KCND3: variants seen among roughly 807,000 people sequenced by gnomAD.
KCND3 encodes the protein A-type voltage-gated potassium channel KCND3.
KCND3 carries 9 observed loss-of-function variants against 51.1 expected under a neutral mutation model. That is an observed-to-expected ratio of 0.18 (90% CI 0.11 to 0.31). The LOEUF is 0.31. Among genes scored for constraint, KCND3 ranks in the 10% least tolerant of loss-of-function variants. The pLI, the probability that KCND3 is intolerant of heterozygous loss-of-function variation, is 1.00. For synonymous variants in KCND3, 349 were observed against 368.0 expected (o/e 0.95, Z 0.59); for missense variants, 526 against 903.8 (o/e 0.58, Z 5.36).
At position 111,982,051 on chromosome 1, in the gene KCND3, A is replaced by C. The variant is rs1417083057; in HGVS notation, c.676T>G (p.Phe226Val). 6.2e-7 allele frequency: 1 copy of C among 1,613,704 alleles called. No homozygotes were observed. The highest frequency in any genetic ancestry group is 8.5e-7 in the Non-Finnish European group (1 of 1,179,954). Residue 226 changes from phenylalanine (F) to valine (V), a missense_variant, in exon 2 of 8, where the codon TTC becomes GTC. This residue lies in a region of KCND3 where 51 missense variants were observed against 84.7 expected (regional missense o/e 0.60). Coordinates refer to ENST00000302127, the MANE Select transcript of KCND3 (RefSeq NM_001378969.1). The surrounding 1 kb of genome is among the most constrained non-coding windows in gnomAD (Gnocchi z 8.5). ...ACGCACGCCGTGTCCAGGCAGAAGAAGGCCACCGAGTAGCGCTCCCCGCAC... is the reference window on the plus strand; with the variant it reads ...ACGCACGCCGTGTCCAGGCAGAAGACGGCCACCGAGTAGCGCTCCCCGCAC... Reference protein sequence around the residue: ...LPCGERYSVAFFCLDTACVMI... With the variant: ...LPCGERYSVAVFCLDTACVMI...
intron 2 of KCND3, among the ~76,000 whole-genome samples, chr1:111,790,095 C>T (rs762322599): frequency 6.6e-6 from 1 of 152,112 alleles, no homozygotes; most frequent in Non-Finnish European, 1.5e-5. Flanking sequence ...GTGGTATGTT[C>T]CGGAATTTTT....
Position 111,777,068 on chromosome 1 carries a change from G to A in KCND3, c.1724C>T (p.Thr575Met), listed in dbSNP as rs775768536. ...CTGCTCACTGCCCTGGATGTGGATC[G>A]TGCTGAGCTCTTGCATGCTGCGCAG... ...TRLRSMQELS[T>M]IHIQGSEQPS... Residue 575 changes from threonine to methionine, a missense_variant, in exon 7 of 8, where the codon ACG becomes ATG. Coordinates refer to ENST00000302127, the MANE Select transcript of KCND3 (RefSeq NM_001378969.1). 34 of 1,613,812 alleles carry A rather than the reference G, an allele frequency of 2.1e-5. No homozygotes were observed. The highest frequency in any genetic ancestry group is 5.0e-5 in the Admixed American group (3 of 60,000).
At chr1:111,784,629 C>G (rs1017523929) in intron 3 of KCND3, among the ~76,000 whole-genome samples, 1 of 152,178 alleles carries the variant, frequency 6.6e-6, no homozygotes, top group Non-Finnish European at 1.5e-5. Context: ...CACTTTCCAC[C>G]AAATCCTCTG....
chr1:111,823,373 TG>T (rs987511958), intron 2 of KCND3, among the ~76,000 whole-genome samples: 16 of 152,290 alleles, frequency 1.1e-4, no homozygotes, highest in Admixed American at 2.6e-4. Context: ...TCTCCCTCCA[TG>T]GAACCTACTC....
At chr1:111,805,444 T>A (rs913281450) in intron 2 of KCND3, among the ~76,000 whole-genome samples, 2 of 152,224 alleles carry the variant, frequency 1.3e-5, no homozygotes, top group African/African-American at 4.8e-5. Flanking sequence ...CTGCCCTCTC[T>A]GTCTCCCAGT....
intron 2 of KCND3, among the ~76,000 whole-genome samples, chr1:111,825,244 A>ATGTCT (rs1169765725): frequency 2.6e-5 from 4 of 152,188 alleles, no homozygotes. Context: ...GATATCAGTG[A>ATGTCT]TGTCTATGAC....
At chr1:111,887,770 C>A (rs1669634562) in intron 2 of KCND3, among the ~76,000 whole-genome samples, 2 of 152,194 alleles carry the variant, frequency 1.3e-5, no homozygotes, top group Non-Finnish European at 2.9e-5. Context: ...GAGGGAATCA[C>A]TTCAAAGCAT....
At chr1:111,938,271 A>G (rs1342807152) in intron 2 of KCND3, among the ~76,000 whole-genome samples, 2 of 152,144 alleles carry the variant, frequency 1.3e-5, no homozygotes, top group Non-Finnish European at 2.9e-5. Context: ...TGGTTTGTTC[A>G]TTTGCCCATT....
intron 1 of KCND3, among the ~76,000 whole-genome samples, chr1:111,985,667 T>A (rs1203875896): frequency 6.6e-6 from 1 of 152,224 alleles, no homozygotes; most frequent in Non-Finnish European, 1.5e-5. Context: ...TGAAGACAGA[T>A]CTGAATCAGA....
chr1:111,874,950 C>T (rs922633446), intron 2 of KCND3, among the ~76,000 whole-genome samples: 5 of 152,220 alleles, frequency 3.3e-5, no homozygotes, highest in African/African-American at 1.2e-4. Context: ...GATCAGCCTG[C>T]AATAGGGAAG....
intron 2 of KCND3, among the ~76,000 whole-genome samples, chr1:111,915,382 C>G (rs1227265125): frequency 6.6e-6 from 1 of 151,696 alleles, no homozygotes; most frequent in Admixed American, 6.6e-5. Flanking sequence ...CGGCAAGAAA[C>G]ACACTTTAAA....
intron 2 of KCND3, among the ~76,000 whole-genome samples, chr1:111,943,944 C>T (rs1454563639): frequency 6.6e-6 from 1 of 152,242 alleles, no homozygotes; most frequent in Non-Finnish European, 1.5e-5. Flanking sequence ...CGGGGCCGCA[C>T]ACTGATTACC....
At chr1:111,983,514 A>G in intron 1 of KCND3, among the ~76,000 whole-genome samples, 1 of 152,160 alleles carries the variant, frequency 6.6e-6, no homozygotes. Context: ...CCATGATGGA[A>G]AGACGTGGGA....
chr1:111,886,174 G>A (rs927080598), intron 2 of KCND3, among the ~76,000 whole-genome samples: 1 of 152,180 alleles, frequency 6.6e-6, no homozygotes, highest in Non-Finnish European at 1.5e-5. Flanking sequence ...TCAGGTAGGA[G>A]GTTTTAGATG....
rs1225880846 is a variant in KCND3 at position 111,774,675 on chromosome 1, T to C, written c.*1402A>G. 1 of 152,228 alleles carries C rather than the reference T, an allele frequency of 6.6e-6. No homozygotes were observed. Among genetic ancestry groups the C allele is most frequent in the African/African-American group, 2.4e-5 (1 of 41,454 alleles). 9.4% of individuals were successfully genotyped at this position (152,228 alleles called of 1,614,324 possible). ...CAGGTAAGAATCATCTAGAATCTCT[T>C]ACTTGCTTTTGCTTTGAAGCATTTT... On this transcript the variant is annotated 3_prime_UTR_variant, in exon 8 of 8. Coordinates refer to ENST00000302127, the MANE Select transcript of KCND3 (RefSeq NM_001378969.1).
rs138079296 is a variant in KCND3, at chr1:111,985,956, G to A, written c.-72-3158C>T. 1.8e-4 allele frequency among the ~76,000 whole-genome samples: 27 copies of A among 152,342 alleles called. No homozygotes were observed. In the East Asian group the frequency reaches 3.9e-3, roughly 22 times the overall value. On this transcript the variant is annotated intron_variant, in intron 1 of 7. Coordinates refer to ENST00000302127, the MANE Select transcript of KCND3 (RefSeq NM_001378969.1). ...AGGAACTGAGGAAAGAATGGAGGTC[G>A]TTCATGCATGGCAGTGGGTAATCCA...
At chr1:111,838,197 C>T (rs1667155036) in intron 2 of KCND3, among the ~76,000 whole-genome samples, 1 of 152,202 alleles carries the variant, frequency 6.6e-6, no homozygotes, top group Admixed American at 6.5e-5. Flanking sequence ...GAGGGTGGGA[C>T]ATCTATATAA....
At chr1:111,834,355 A>G (rs1277476933) in intron 2 of KCND3, among the ~76,000 whole-genome samples, 4 of 152,208 alleles carry the variant, frequency 2.6e-5, no homozygotes, top group Non-Finnish European at 5.9e-5. Flanking sequence ...AAGAGCTTGA[A>G]AAACAAAACA....
At chr1:111,932,060 A>T (rs970800742) in intron 2 of KCND3, among the ~76,000 whole-genome samples, 2 of 152,320 alleles carry the variant, frequency 1.3e-5, no homozygotes, top group African/African-American at 4.8e-5. Context: ...CTTCAAAGCC[A>T]GCCGCAGCAG....
Sources: gnomAD v4.1 joint callset for allele counts (sites outside exome capture counted in the v4.1 genomes callset) on GRCh38, gnomAD v4.1.1 for gene constraint, gnomAD v4.1.1 regional missense constraint, Gnocchi (gnomAD v3.1) non-coding constraint, MANE v1.5 for transcripts, NCBI Gene and HGNC (gene_info 2026-07-23, HGNC 2026-07-21) for gene names.